The following DOK6 variants were observed in gnomAD, a reference collection of about 807,000 sequenced individuals.
DOK6 encodes docking protein 6, also known as downstream of tyrosine kinase 6.
In DOK6, 22 loss-of-function variants were observed where a neutral mutation model predicts 44.0. The observed-to-expected ratio is 0.50, with a 90% confidence interval of 0.36 to 0.71. DOK6 has a LOEUF of 0.71. Among genes scored for constraint, DOK6 ranks in the 30% least tolerant of loss-of-function variants. DOK6 has a pLI of 0.00. For missense variants in DOK6, 340 were observed against 416.4 expected (o/e 0.82, Z 1.60); for synonymous variants, 166 against 145.5 (o/e 1.14, Z -1.01).
intron 7 of DOK6, among the ~76,000 whole-genome samples, chr18:69,786,490 T>A (rs1784374805): frequency 6.6e-6 from 1 of 152,166 alleles, no homozygotes. Flanking sequence ...ATAACGGTAA[T>A]GTTATATCAC....
chr18:69,642,794 T>A (rs906030155), intron 3 of DOK6, among the ~76,000 whole-genome samples: 1 of 152,172 alleles, frequency 6.6e-6, no homozygotes, highest in Admixed American at 6.5e-5. Flanking sequence ...GCAATGATAG[T>A]TTTAGCTACT....
intron 1 of DOK6, among the ~76,000 whole-genome samples, chr18:69,404,111 G>A (rs760387826): frequency 1.3e-5 from 2 of 152,216 alleles, no homozygotes; most frequent in Admixed American, 6.5e-5. Context: ...ATATGAGGCC[G>A]ATTGCATCAG....
At chr18:69,656,349 A>C (rs1183057339) in intron 3 of DOK6, among the ~76,000 whole-genome samples, 1 of 152,246 alleles carries the variant, frequency 6.6e-6, no homozygotes, top group East Asian at 1.9e-4. Context: ...TAGGAAGAGG[A>C]AAGTAAAAAC....
chr18:69,532,668 C>T (rs998279533), intron 1 of DOK6: 5 of 152,176 alleles, frequency 3.3e-5, no homozygotes, highest in Non-Finnish European at 7.3e-5. Flanking sequence ...AGAGACCAGC[C>T]TGGACAACAT....
intron 3 of DOK6, among the ~76,000 whole-genome samples, chr18:69,608,826 T>C (rs1984063504): frequency 6.6e-6 from 1 of 151,650 alleles, no homozygotes; most frequent in Non-Finnish European, 1.5e-5. Flanking sequence ...GGCAGGCGCC[T>C]ATAATCCCAG....
At chr18:69,500,065 C>G (rs1981004768) in intron 1 of DOK6, among the ~76,000 whole-genome samples, 1 of 152,150 alleles carries the variant, frequency 6.6e-6, no homozygotes, top group African/African-American at 2.4e-5. Context: ...CCATCGACTT[C>G]AACCTCAGTT....
At chr18:69,528,094 T>C (rs915408742) in intron 1 of DOK6, among the ~76,000 whole-genome samples, 4 of 136,294 alleles carry the variant, frequency 2.9e-5, no homozygotes, top group Non-Finnish European at 6.1e-5. Flanking sequence ...ACCCGGGAGG[T>C]GGAGCTTGCA....
chr18:69,436,618 A>C (rs1027698972), intron 1 of DOK6, among the ~76,000 whole-genome samples: 1 of 152,168 alleles, frequency 6.6e-6, no homozygotes, highest in Non-Finnish European at 1.5e-5. Flanking sequence ...TGCAATAAAC[A>C]TATGTATGCA....
Position 69,841,273 on chromosome 18 carries a change from C to G in DOK6, c.886C>G (p.Arg296Gly), listed in dbSNP as rs373935197. Residue 296 changes from arginine (R) to glycine (G), a missense_variant, in exon 8 of 8, where the codon CGT (arginine) becomes GGT (glycine). Arg to Gly is a moderately radical substitution (Grantham distance 125). Around this residue, in one of 3 missense-constraint regions of DOK6, gnomAD observed 112 missense variants for 109.3 expected, o/e 1.02. Transcript: ENST00000382713. Reference sequence around the variant, plus strand: ...TGGGTTTGGTTCGTCAAAGATGTCTCGTGCACAGACATTTCCCAGCTACGC... The same window carrying G: ...TGGGTTTGGTTCGTCAAAGATGTCTGGTGCACAGACATTTCCCAGCTACGC... ...GHGFGSSKMS[R>G]AQTFPSYAPE... is the part of the protein sequence containing the mutation. The G allele has an allele frequency of 2.5e-6, 4 of 1,614,210 alleles. No homozygotes were observed. The highest frequency in any genetic ancestry group is 1.6e-4 in the Middle Eastern group (1 of 6,062).
intron 1 of DOK6, among the ~76,000 whole-genome samples, chr18:69,449,659 T>A (rs1049308454): frequency 6.6e-6 from 1 of 152,184 alleles, no homozygotes; most frequent in Non-Finnish European, 1.5e-5. Context: ...TAAATGTCCC[T>A]GTCTGACAGC....
At chr18:69,813,796 A>C (rs770974662) in intron 7 of DOK6, among the ~76,000 whole-genome samples, 3 of 152,102 alleles carry the variant, frequency 2.0e-5, no homozygotes, top group Non-Finnish European at 4.4e-5. Context: ...TTTAGACCTT[A>C]CTGTAACCTA....
intron 1 of DOK6, among the ~76,000 whole-genome samples, chr18:69,527,647 C>A (rs1981868244): frequency 1.3e-5 from 2 of 152,154 alleles, no homozygotes; most frequent in South Asian, 4.1e-4. Flanking sequence ...TCCCATTCTG[C>A]ATTCCATCTT....
intron 2 of DOK6, among the ~76,000 whole-genome samples, chr18:69,568,661 C>T (rs1191749742): frequency 6.6e-6 from 1 of 152,178 alleles, no homozygotes; most frequent in East Asian, 1.9e-4. Context: ...AGGAGGTGAG[C>T]AGCAGTGGGC....
At chr18:69,838,936 C>T (rs188810541) in intron 7 of DOK6, among the ~76,000 whole-genome samples, 1 of 151,020 alleles carries the variant, frequency 6.6e-6, no homozygotes, top group Non-Finnish European at 1.5e-5. Context: ...TAGCCCCTAC[C>T]TTAGTTCCTT....
At chr18:69,443,864 G>A (rs1979203941) in intron 1 of DOK6, among the ~76,000 whole-genome samples, 1 of 152,000 alleles carries the variant, frequency 6.6e-6, no homozygotes, top group Non-Finnish European at 1.5e-5. Context: ...TAGTCCTCAC[G>A]TTCAGAGTGG....
At chr18:69,531,076 A>AAC (rs1048889959) in intron 1 of DOK6, among the ~76,000 whole-genome samples, 3 of 151,610 alleles carry the variant, frequency 2.0e-5, no homozygotes, top group Non-Finnish European at 2.9e-5. Flanking sequence ...CTAGGATTAC[A>AAC]ACCCCTGCCT....
chr18:69,586,606 T>A (rs1186459814), intron 2 of DOK6, among the ~76,000 whole-genome samples: 1 of 152,234 alleles, frequency 6.6e-6, no homozygotes, highest in Non-Finnish European at 1.5e-5. Flanking sequence ...CCCTACTGGC[T>A]AGTTTCCCAG....
intron 1 of DOK6, chr18:69,483,698 C>T (rs1039760066): frequency 2.6e-5 from 4 of 152,090 alleles, no homozygotes. Flanking sequence ...GAAAGTGTTC[C>T]CTCCAGATTG....
intron 1 of DOK6, among the ~76,000 whole-genome samples, chr18:69,556,082 T>C (rs1011474483): frequency 6.6e-5 from 10 of 152,216 alleles, no homozygotes; most frequent in African/African-American, 2.4e-4. Flanking sequence ...TTAATATAGT[T>C]ACATCAGTTT....
Sources: gnomAD v4.1 joint callset for allele counts (sites outside exome capture counted in the v4.1 genomes callset) on GRCh38, gnomAD v4.1.1 for gene constraint, gnomAD v4.1.1 regional missense constraint, MANE v1.5 for transcripts, NCBI Gene and HGNC (gene_info 2026-07-23, HGNC 2026-07-21) for gene names.